The following ACER1 variants were observed in gnomAD, a reference collection of about 807,000 sequenced individuals.
The protein encoded by ACER1 is alkaline ceramidase 1.
In ACER1, 28 loss-of-function variants were observed where a neutral mutation model predicts 24.9. The observed-to-expected ratio is 1.13, with a 90% confidence interval of 0.83 to 1.54. The LOEUF (loss-of-function observed/expected upper bound fraction) is 1.54, where lower values mean the gene tolerates loss of function less well. Ranked by LOEUF, ACER1 falls within the 40% of genes most tolerant of loss-of-function variation. ACER1 has a pLI of 0.00. For synonymous variants in ACER1, 132 were observed against 131.4 expected, an observed-to-expected ratio of 1.00 and a Z score of -0.03; for missense variants, 352 against 349.3, an observed-to-expected ratio of 1.01 and a Z score of -0.06.
In ACER1 at chr19:6,310,691, C is replaced by A. The variant is rs531030131; in HGVS notation, c.351-857G>T. ...CTCAGGAGTTCGAGACCAGCCTGGGCAACATGGCAAAACCCTGTCTCTACC... is the reference window on the plus strand; with the variant it reads ...CTCAGGAGTTCGAGACCAGCCTGGGAAACATGGCAAAACCCTGTCTCTACC... On this transcript the variant is annotated intron_variant, in intron 3 of 5. Coordinates refer to ENST00000301452, the MANE Select transcript of ACER1 (RefSeq NM_133492.3). Among the ~76,000 whole-genome samples, 11 of 151,824 alleles carry A rather than the reference C, an allele frequency of 7.2e-5. No individual in the cohort carries two copies. In the East Asian group the frequency reaches 1.8e-3, roughly 24 times the overall value.
chr19:6,325,832 G>A (rs79888284), intron 1 of ACER1, among the ~76,000 whole-genome samples: 4,114 of 144,642 alleles, frequency 0.028, 195 homozygotes, highest in African/African-American at 0.099. Flanking sequence ...TGTACTCCAG[G>A]CAGGGCAACA....
intron 1 of ACER1, among the ~76,000 whole-genome samples, chr19:6,317,042 C>T (rs1295221642): frequency 6.3e-5 from 9 of 142,310 alleles, no homozygotes; most frequent in Non-Finnish European, 1.4e-4. Flanking sequence ...GGTGCAATCT[C>T]GGTTCACTGC....
chr19:6,325,075 T>A (rs1407328296), intron 1 of ACER1, among the ~76,000 whole-genome samples: 1 of 152,122 alleles, frequency 6.6e-6, no homozygotes, highest in Non-Finnish European at 1.5e-5. Flanking sequence ...CTTCTGTTCC[T>A]GTTGGATGAC....
At chr19:6,328,957 G>A (rs1417351408) in intron 1 of ACER1, among the ~76,000 whole-genome samples, 1 of 151,802 alleles carries the variant, frequency 6.6e-6, no homozygotes, top group Non-Finnish European at 1.5e-5. Flanking sequence ...TTACATGTGT[G>A]AGCCACTGTG....
At chr19:6,327,497 G>A (rs766228597) in intron 1 of ACER1, among the ~76,000 whole-genome samples, 8 of 151,880 alleles carry the variant, frequency 5.3e-5, no homozygotes, top group Non-Finnish European at 1.0e-4. Context: ...CCCGGGAGGC[G>A]GAGCTTGCAG....
intron 1 of ACER1, among the ~76,000 whole-genome samples, chr19:6,313,936 C>A (rs1197859082): frequency 6.6e-6 from 1 of 152,100 alleles, no homozygotes; most frequent in Non-Finnish European, 1.5e-5. Context: ...TGGTTCAATT[C>A]TTCCCTATAC....
At chr19:6,336,380 C>G (rs937822739), upstream of ACER1, among the ~76,000 whole-genome samples, 2 of 152,146 alleles carry the variant, frequency 1.3e-5, no homozygotes, top group Non-Finnish European at 2.9e-5. Context: ...ATAGGTCACA[C>G]AGTTAGGAAG....
chr19:6,313,427 G>T (rs906229426), intron 1 of ACER1, among the ~76,000 whole-genome samples: 1 of 152,142 alleles, frequency 6.6e-6, no homozygotes, highest in Non-Finnish European at 1.5e-5. Context: ...CCCTTTTCCT[G>T]TAAAAATAGT....
In ACER1 at chr19:6,323,961, G is replaced by A. The variant is rs571400143; in HGVS notation, c.93+9498C>T. On this transcript the variant is annotated intron_variant, in intron 1 of 5. Coordinates refer to ENST00000301452, the MANE Select transcript of ACER1 (RefSeq NM_133492.3). ...CCAGCCTCAAGGAGACTCAGGAGAG[G>A]AGGTGAGGAGAGTGTTGGAGATGGC... Among the ~76,000 whole-genome samples, 5 of 152,294 alleles carry A rather than the reference G, an allele frequency of 3.3e-5. No individual in the cohort carries two copies. The South Asian group carries it at 6.2e-4, about 19-fold the overall frequency.
chr19:6,316,819 CAAAAA>C (rs1167612498), intron 1 of ACER1, among the ~76,000 whole-genome samples: 1 of 84,836 alleles, frequency 1.2e-5, no homozygotes. Context: ...GACTCCCTCT[CAAAAA>C]AAAAAAAAAA....
chr19:6,312,342 C>G, intron 2 of ACER1, 43 bp downstream of exon 2: 1 of 1,613,896 alleles, frequency 6.2e-7, no homozygotes, highest in Non-Finnish European at 8.5e-7. Flanking sequence ...CCTAAACCCC[C>G]ACTGCCTCCC....
intron 1 of ACER1, among the ~76,000 whole-genome samples, chr19:6,321,850 C>T (rs2091632823): frequency 6.6e-6 from 1 of 150,916 alleles, no homozygotes; most frequent in Non-Finnish European, 1.5e-5. Context: ...GACCTCAGGT[C>T]ATCTGCCCAC....
intron 1 of ACER1, among the ~76,000 whole-genome samples, chr19:6,316,436 T>TCA (rs996592412): frequency 2.0e-5 from 3 of 151,912 alleles, no homozygotes; most frequent in African/African-American, 2.4e-5. Flanking sequence ...AAACCCTGTC[T>TCA]CACACACACA....
the ACER1 span, among the ~76,000 whole-genome samples, chr19:6,347,728 C>A: frequency 6.6e-6 from 1 of 151,840 alleles, no homozygotes; most frequent in Non-Finnish European, 1.5e-5. Context: ...TCCGGCTACT[C>A]GGGAGGCTGA....
chr19:6,311,687 G>T (rs898613909), intron 3 of ACER1, among the ~76,000 whole-genome samples: 4 of 151,906 alleles, frequency 2.6e-5, no homozygotes, highest in African/African-American at 9.7e-5. Context: ...AGGAGGAGGA[G>T]GTGGAAAAGT....
the ACER1 span, among the ~76,000 whole-genome samples, chr19:6,339,931 C>T: frequency 3.3e-5 from 5 of 151,746 alleles, no homozygotes; most frequent in Non-Finnish European, 5.9e-5. Context: ...TCCTAAAGTG[C>T]TGGGATTACA....
Position 6,333,350 on chromosome 19 carries a change from C to T in ACER1, c.93+109G>A, listed in dbSNP as rs74409011. ...TGGCTAACAGATGAGAAAACTAGGG[C>T]TGAGACAGGTGAACCACTCCAGCAA... On this transcript the variant is annotated intron_variant, in intron 1 of 5. Coordinates refer to ENST00000301452, the MANE Select transcript of ACER1 (RefSeq NM_133492.3). 2.5e-3 allele frequency: 2,167 copies of T among 862,642 alleles called. 44 individuals carry two copies. The African/African-American group carries it at 0.033, about 13-fold the overall frequency. The allele number at this position is 862,642 out of a possible 1,614,324, so 53.4% of individuals were successfully genotyped here.
At chr19:6,345,877 T>C in the ACER1 span, among the ~76,000 whole-genome samples, 8,549 of 151,372 alleles carry the variant, frequency 0.056, 408 homozygotes, top group African/African-American at 0.13. Flanking sequence ...ATCCAGCTAA[T>C]TTTATTATAA....
chr19:6,343,395 C>T, the ACER1 span, among the ~76,000 whole-genome samples: 12 of 151,894 alleles, frequency 7.9e-5, no homozygotes, highest in South Asian at 4.2e-4. Flanking sequence ...CATCCCAACA[C>T]GTGACCTCCA....
Sources: gnomAD v4.1 joint callset for allele counts (sites outside exome capture counted in the v4.1 genomes callset) on GRCh38, gnomAD v4.1.1 for gene constraint, MANE v1.5 for transcripts, NCBI Gene and HGNC (gene_info 2026-07-23, HGNC 2026-07-21) for gene names.